SERPINA9: variants seen among roughly 807,000 people sequenced by gnomAD.
SERPINA9 encodes serpin A9.
In SERPINA9, 32 loss-of-function variants were observed where a neutral mutation model predicts 24.5. That is an observed-to-expected ratio of 1.30 (90% CI 0.98 to 1.75). The LOEUF (loss-of-function observed/expected upper bound fraction) is 1.75. Among genes scored for constraint, SERPINA9 ranks in the 40% most tolerant of loss-of-function variants. The pLI, the probability that SERPINA9 is intolerant of heterozygous loss-of-function variation, is 0.00. For missense variants in SERPINA9, 594 were observed against 497.1 expected (o/e 1.19, Z -1.85); for synonymous variants, 233 against 197.7 (o/e 1.18, Z -1.50).
chr14:94,467,515 T>A, intron 2 of SERPINA9, 133 bp from the exon 3 acceptor site: 2 of 775,280 alleles, frequency 2.6e-6, no homozygotes, highest in Non-Finnish European at 2.0e-6. Context: ...TGCTCTGATA[T>A]TACACAGCGG....
chr14:94,465,894 CT>C (rs1227870891), intron 3 of SERPINA9, among the ~76,000 whole-genome samples: 2 of 152,184 alleles, frequency 1.3e-5, no homozygotes, highest in African/African-American at 2.4e-5. Context: ...GACGGTAAAG[CT>C]TACTTTTAGT....
chr14:94,467,942 TGG>T (rs1386847363), intron 2 of SERPINA9, among the ~76,000 whole-genome samples: 11 of 149,296 alleles, frequency 7.4e-5, no homozygotes. Flanking sequence ...GATGGATGGA[TGG>T]ATAGATGGAT....
At chr14:94,468,484 C>T (rs944910866) in intron 2 of SERPINA9, among the ~76,000 whole-genome samples, 2 of 152,152 alleles carry the variant, frequency 1.3e-5, no homozygotes, top group Non-Finnish European at 2.9e-5. Context: ...TCAAGCACAA[C>T]CTATAAAGTT....
At chr14:94,474,664 C>T (rs1899492887) in intron 1 of SERPINA9, among the ~76,000 whole-genome samples, 1 of 152,164 alleles carries the variant, frequency 6.6e-6, no homozygotes, top group South Asian at 2.1e-4. Flanking sequence ...AGGCCCTTGC[C>T]CCTCTTTTGG....
intron 4 of SERPINA9, 67 bp from the exon 5 acceptor site, chr14:94,463,363 A>C: frequency 7.0e-7 from 1 of 1,432,824 alleles, no homozygotes; most frequent in Non-Finnish European, 9.8e-7. Flanking sequence ...AGTAAACTAA[A>C]CTGAGTGCTT....
At chr14:94,465,605 G>A (rs1898966887) in intron 3 of SERPINA9, among the ~76,000 whole-genome samples, 2 of 152,066 alleles carry the variant, frequency 1.3e-5, no homozygotes, top group Non-Finnish European at 2.9e-5. Flanking sequence ...TCTGCTCACT[G>A]CAACCTCCAC....
rs146498242 is a variant in SERPINA9 at position 94,466,467 on chromosome 14, C to T, written c.902+642G>A. 1.7e-3 allele frequency among the ~76,000 whole-genome samples: 260 copies of T among 152,298 alleles called. 3 individuals carry two copies. The highest frequency in any genetic ancestry group is 6.0e-3 in the African/African-American group (248 of 41,556). Reference sequence around the variant, plus strand: ...TTCCCAGACTATGAGCACCAGGGAACGCTGCTAAAATCATTCTAAGATGCC... The same window carrying T: ...TTCCCAGACTATGAGCACCAGGGAATGCTGCTAAAATCATTCTAAGATGCC... On this transcript the variant is annotated intron_variant, in intron 3 of 4. Coordinates refer to ENST00000674397, the MANE Select transcript of SERPINA9 (RefSeq NM_175739.4).
chr14:94,464,297 CT>C lies in SERPINA9; in HGVS notation c.1050+409del, dbSNP rs1566789662. On this transcript the variant is annotated intron_variant, in intron 4 of 4. Coordinates refer to ENST00000674397, the MANE Select transcript of SERPINA9 (RefSeq NM_175739.4). The stretch of plus-strand genomic sequence containing the variant: ...TCTCTCTCTCTCTCTCTCTCTCTCT[CT>C]CTCTCTCTCTCTCTCTCTCTCCTTA... 2.6e-3 allele frequency: 564 copies of C among 217,078 alleles called. 7 individuals carry two copies. Among genetic ancestry groups the C allele is most frequent in the Non-Finnish European group, 3.5e-3 (392 of 111,920 alleles). 13.4% of individuals were successfully genotyped at this position (217,078 alleles called of 1,614,324 possible).
Position 94,469,810 on chromosome 14 carries a change from C to A in SERPINA9, c.31G>T (p.Ala11Ser). 1 of 1,521,642 alleles carries A rather than the reference C, an allele frequency of 6.6e-7. No individual in the cohort carries two copies. The highest frequency in any genetic ancestry group is 1.3e-5 in the South Asian group (1 of 75,778). 94.3% of individuals were successfully genotyped at this position (1,521,642 alleles called of 1,614,324 possible). A position where few individuals can be genotyped will look rare whatever the true frequency, so the allele number is the denominator to read the frequency against. MASYLYGVLF[A>S]VGLCAPIYCV... Reference sequence around the variant, plus strand: ...TAGATTGGAGCACAGAGGCCAACAGCAAAGAGTACTCCATAAAGGTAAGAT... The same window carrying A: ...TAGATTGGAGCACAGAGGCCAACAGAAAAGAGTACTCCATAAAGGTAAGAT... The change falls in exon 2 of 5, where the codon GCT becomes TCT. Residue 11 changes from alanine to serine, a missense_variant. By Grantham distance (99) the Ala-to-Ser change is moderately conservative (BLOSUM62 1). Coordinates refer to ENST00000674397, the MANE Select transcript of SERPINA9 (RefSeq NM_175739.4).
chr14:94,473,745 C>G (rs1899440517), intron 1 of SERPINA9, among the ~76,000 whole-genome samples: 1 of 152,136 alleles, frequency 6.6e-6, no homozygotes, highest in African/African-American at 2.4e-5. Flanking sequence ...CCTCTAGCCT[C>G]AATGGTGAAG....
chr14:94,467,376 C>T lies in SERPINA9; in HGVS notation c.635G>A (p.Trp212Ter), dbSNP rs143253931. The T allele has an allele frequency of 2.0e-4, 319 of 1,604,204 alleles. No homozygotes were observed. In the African/African-American group the frequency reaches 3.5e-3, roughly 18 times the overall value. The stretch of plus-strand genomic sequence containing the variant: ...ATATTCAGGGTGAAAGGGCTTCTCC[C>T]ACTTGGCTAGCACAAAGAGAGAAAA... ...LVNHIFFKAKWEKPFHPEYTR... is the reference protein window; with the variant it reads ...LVNHIFFKAK The change falls in exon 3 of 5, where the codon TGG (tryptophan) becomes TAG (stop). Residue 212 changes from tryptophan to a stop codon, truncating the protein, a stop_gained. Transcript: ENST00000674397. LOFTEE classifies it high-confidence loss of function.
In SERPINA9 at chr14:94,475,908, G is replaced by T; in HGVS notation, c.-18+228C>A. On this transcript the variant is annotated intron_variant, in intron 1 of 4. Coordinates refer to ENST00000674397, the MANE Select transcript of SERPINA9 (RefSeq NM_175739.4). ...AATTTTCAAGAGCTGTGTATTCATG[G>T]TCTCTGTGGCCTTACCTCCAACTCA... 5.2e-6 allele frequency: 3 copies of T among 578,094 alleles called. No homozygotes were observed. In the East Asian group the frequency reaches 8.5e-5, roughly 16 times the overall value. 35.8% of individuals were successfully genotyped at this position (578,094 alleles called of 1,614,324 possible). A position where few individuals can be genotyped will look rare whatever the true frequency, so the allele number is the denominator to read the frequency against.
intron 2 of SERPINA9, 131 bp downstream of exon 2, chr14:94,469,082 A>G: frequency 1.3e-6 from 1 of 777,522 alleles, no homozygotes; most frequent in Non-Finnish European, 2.0e-6. Context: ...TGCAAAGCTA[A>G]TTAGAGCTCA....
At position 94,463,339 on chromosome 14, in the gene SERPINA9, C is replaced by G. The variant is rs149732440; in HGVS notation, c.1051-43G>C. 2.0e-3 allele frequency: 3,059 copies of G among 1,563,618 alleles called. 14 individuals carry two copies. The highest frequency in any genetic ancestry group is 2.4e-3 in the Non-Finnish European group (2,680 of 1,135,450). On this transcript the variant is annotated intron_variant, in intron 4 of 4. Transcript: ENST00000674397. ...AACATCAGTGGCCCTAGTGGAGACA[C>G]TTTTACTTAACTGAGTAAACTAAAC...
chr14:94,462,912 G>T lies in SERPINA9; in HGVS notation c.*181C>A, dbSNP rs888185910. The stretch of plus-strand genomic sequence containing the variant: ...AAAAGGGCACTGACTGGGGTTAATG[G>T]GTGTTGGCTTGTGACTGGGGTCCCT... On this transcript the variant is annotated 3_prime_UTR_variant, in exon 5 of 5. Coordinates refer to ENST00000674397, the MANE Select transcript of SERPINA9 (RefSeq NM_175739.4). 1.3e-5 allele frequency: 8 copies of T among 599,428 alleles called. No individual in the cohort carries two copies. The highest frequency in any genetic ancestry group is 4.5e-4 in the Middle Eastern group (1 of 2,222). The allele number at this position is 599,428 out of a possible 1,614,324, so 37.1% of individuals were successfully genotyped here.
chr14:94,470,051 A>G (rs1309374079), intron 1 of SERPINA9, 194 bp from the exon 2 acceptor site: 1 of 646,666 alleles, frequency 1.5e-6, no homozygotes, highest in Non-Finnish European at 2.3e-6. Context: ...TTACTTGCAA[A>G]TGAGTAAACA....
chr14:94,471,523 T>C (rs1899317323), intron 1 of SERPINA9, among the ~76,000 whole-genome samples: 1 of 152,242 alleles, frequency 6.6e-6, no homozygotes, highest in African/African-American at 2.4e-5. Flanking sequence ...AGAACCCTTT[T>C]ACTGAATGAG....
At chr14:94,471,169 G>A (rs1472587078) in intron 1 of SERPINA9, among the ~76,000 whole-genome samples, 1 of 146,244 alleles carries the variant, frequency 6.8e-6, no homozygotes, top group African/African-American at 2.6e-5. Flanking sequence ...ATCAGACTTT[G>A]CTCTTTAGTC....
chr14:94,463,350 CTG>C, intron 4 of SERPINA9, 54 bp from the exon 5 acceptor site: 4 of 1,483,654 alleles, frequency 2.7e-6, no homozygotes, highest in Non-Finnish European at 3.8e-6. Flanking sequence ...TTTTACTTAA[CTG>C]AGTAAACTAA....
Sources: allele counts gnomAD v4.1 joint callset (sites outside exome capture counted in the v4.1 genomes callset), GRCh38; gene constraint gnomAD v4.1.1; transcripts MANE v1.5; gene names NCBI Gene and HGNC (gene_info 2026-07-23, HGNC 2026-07-21).